CECR2: variants seen among roughly 807,000 people sequenced by gnomAD.
CECR2 encodes chromatin remodeling regulator CECR2.
CECR2 carries 30 observed loss-of-function variants against 154.5 expected under a neutral mutation model. The observed-to-expected ratio is 0.19, with a 90% CI of 0.15 to 0.26. The LOEUF (loss-of-function observed/expected upper bound fraction) is 0.26, where lower values mean the gene tolerates loss of function less well. CECR2 is among the 10% of genes least tolerant of loss of function. The probability of loss-of-function intolerance (pLI) is 1.00; values close to 1 mark genes in which losing one functional copy is unlikely to be tolerated. For missense variants in CECR2, 1,743 were observed against 1,829.3 expected (o/e 0.95, Z 0.86); for synonymous variants, 725 against 683.7 (o/e 1.06, Z -0.94).
intron 1 of CECR2, among the ~76,000 whole-genome samples, chr22:17,476,137 G>C (rs185495731): frequency 6.7e-6 from 1 of 150,098 alleles, no homozygotes; most frequent in Admixed American, 6.8e-5. Flanking sequence ...GTCATGCCCT[G>C]CCTCTCTCCA....
rs375164880 is a variant in CECR2 at position 17,532,781 on chromosome 22, G to A, written c.1109-4322G>A. Among the ~76,000 whole-genome samples the A allele has an allele frequency of 4.5e-4, 55 of 122,942 alleles. No individual in the cohort carries two copies. The South Asian group carries it at 8.0e-3, about 18-fold the overall frequency. 80.7% of individuals were successfully genotyped at this position (122,942 alleles called of 152,430 possible). On this transcript the variant is annotated intron_variant, in intron 9 of 18. Coordinates refer to ENST00000262608, the MANE Select transcript of CECR2 (RefSeq NM_001290047.2). ...TACTCAGGCTGGAGTGCAGTGGTGC[G>A]ATCTCGGCTCACTGCAACTTCCGCC...
chr22:17,362,901 CAAA>C (rs372498587), intron 1 of CECR2, among the ~76,000 whole-genome samples: 13 of 82,136 alleles, frequency 1.6e-4, no homozygotes, highest in East Asian at 4.0e-4. Flanking sequence ...AACTCCGTCT[CAAA>C]AAAAAAAAAA....
At chr22:17,452,818 G>C (rs2054792584) in intron 1 of CECR2, among the ~76,000 whole-genome samples, 1 of 152,170 alleles carries the variant, frequency 6.6e-6, no homozygotes, top group African/African-American at 2.4e-5. Flanking sequence ...AAGCGCTGAA[G>C]AAGGGTGAGA....
intron 1 of CECR2, among the ~76,000 whole-genome samples, chr22:17,382,106 G>A (rs545345773): frequency 1.3e-4 from 20 of 151,562 alleles, no homozygotes; most frequent in East Asian, 3.9e-4. Flanking sequence ...TAGCCAGGAT[G>A]GTCTTGATCT....
intron 1 of CECR2, among the ~76,000 whole-genome samples, chr22:17,384,118 T>C (rs1329437360): frequency 2.6e-5 from 4 of 152,228 alleles, no homozygotes; most frequent in African/African-American, 9.6e-5. Flanking sequence ...TATTTGGACC[T>C]CCTCCCATGA....
At position 17,364,159 on chromosome 22, in the gene CECR2, C is replaced by T. The variant is rs5749059; in HGVS notation, c.-364+4136C>T. 0.016 allele frequency among the ~76,000 whole-genome samples: 2,438 copies of T among 151,300 alleles called. 244 individuals carry two copies. In the East Asian group the frequency reaches 0.28, roughly 17 times the overall value. On this transcript the variant is annotated intron_variant, in intron 1 of 18. Transcript: ENST00000400585. ...AAGATCTAGACCATCCTGGCTAACA[C>T]GGTGAAACCCCGTCTCTACTAAAAA...
In CECR2 at chr22:17,375,768, A is replaced by G. The variant is rs112227203; in HGVS notation, c.126+5859A>G. On this transcript the variant is annotated intron_variant, in intron 1 of 18. Coordinates refer to ENST00000262608, the MANE Select transcript of CECR2 (RefSeq NM_001290047.2). The stretch of plus-strand genomic sequence containing the variant: ...TCAGGAGTTCAGGACCAGCCTGACC[A>G]ATATGATGAAACCCCGTCTCTACTA... Among the ~76,000 whole-genome samples, 149 of 152,130 alleles carry G rather than the reference A, an allele frequency of 9.8e-4. 1 individual carries two copies. Among genetic ancestry groups the G allele is most frequent in the African/African-American group, 3.3e-3 (139 of 41,524 alleles).
upstream of CECR2, among the ~76,000 whole-genome samples, chr22:17,368,829 C>T (rs1844029042): frequency 6.6e-6 from 1 of 152,102 alleles, no homozygotes; most frequent in South Asian, 2.1e-4. Flanking sequence ...GGTGCCTCCC[C>T]CTACCCCACC....
rs147269523 is a variant in CECR2 at position 17,394,178 on chromosome 22, C to T, written c.126+24269C>T. 7.1e-3 allele frequency among the ~76,000 whole-genome samples: 1,035 copies of T among 145,448 alleles called. 40 individuals are homozygous for T. The highest frequency in any genetic ancestry group is 0.052 in the South Asian group (227 of 4,406). ...CTGGGATTACAGGCGTGAGCCACCG[C>T]GCCCAGCTGCTGCCGCTGCTTTTTT... On this transcript the variant is annotated intron_variant, in intron 1 of 18. Transcript: ENST00000262608.
chr22:17,506,086 A>G (rs758586915), intron 7 of CECR2, among the ~76,000 whole-genome samples: 9 of 151,256 alleles, frequency 6.0e-5, no homozygotes, highest in South Asian at 2.1e-4. Context: ...GCCTCAATCT[A>G]TCCTTCTGTC....
At chr22:17,437,630 G>GT (rs1219423180) in intron 1 of CECR2, among the ~76,000 whole-genome samples, 1 of 152,104 alleles carries the variant, frequency 6.6e-6, no homozygotes, top group African/African-American at 2.4e-5. Context: ...TACTTTGTAA[G>GT]TAGGAGTTCC....
intron 1 of CECR2, among the ~76,000 whole-genome samples, chr22:17,362,651 C>T: frequency 6.6e-6 from 1 of 151,644 alleles, no homozygotes; most frequent in East Asian, 1.9e-4. Context: ...CGCCTGTAAT[C>T]CCAGTACTTT....
upstream of CECR2, among the ~76,000 whole-genome samples, chr22:17,365,697 AAAAC>A (rs149849638): frequency 2.8e-4 from 42 of 152,140 alleles, no homozygotes; most frequent in Middle Eastern, 3.4e-3. Flanking sequence ...CTGTCTCGGA[AAAAC>A]AAACAAACAA....
intron 5 of CECR2, among the ~76,000 whole-genome samples, chr22:17,502,695 C>T (rs1355508668): frequency 2.6e-5 from 4 of 152,062 alleles, no homozygotes; most frequent in African/African-American, 9.7e-5. Flanking sequence ...CCCAGCTACT[C>T]AGGAGGCTGA....
At chr22:17,506,771 A>C (rs1256720564) in intron 7 of CECR2, among the ~76,000 whole-genome samples, 1 of 152,102 alleles carries the variant, frequency 6.6e-6, no homozygotes, top group African/African-American at 2.4e-5. Flanking sequence ...CTCATGCCTC[A>C]GCCTCCCAAG....
intron 1 of CECR2, among the ~76,000 whole-genome samples, chr22:17,426,100 C>A (rs5746370): frequency 0.067 from 10,230 of 152,118 alleles, 937 homozygotes; most frequent in East Asian, 0.36. Flanking sequence ...TGTTTCCCCC[C>A]ACCCAGATTA....
At chr22:17,445,612 T>G (rs1215433733) in intron 1 of CECR2, among the ~76,000 whole-genome samples, 1 of 150,752 alleles carries the variant, frequency 6.6e-6, no homozygotes, top group Non-Finnish European at 1.5e-5. Context: ...AGGCTCACCC[T>G]GTCGCCCAGG....
Position 17,530,291 on chromosome 22 carries a change from C to T in CECR2, c.1108+6020C>T, listed in dbSNP as rs923644625. Among the ~76,000 whole-genome samples the T allele has an allele frequency of 7.9e-5, 12 of 151,486 alleles. No homozygotes were observed. The East Asian group carries it at 9.7e-4, about 12-fold the overall frequency. On this transcript the variant is annotated intron_variant, in intron 9 of 18. Coordinates refer to ENST00000262608, the MANE Select transcript of CECR2 (RefSeq NM_001290047.2). ...CCCAGGCTGGAGTGCAGTGGTGCCGCGCCCGGCACATGACTGCATACTTTC... is the reference window on the plus strand; with the variant it reads ...CCCAGGCTGGAGTGCAGTGGTGCCGTGCCCGGCACATGACTGCATACTTTC...
intron 2 of CECR2, among the ~76,000 whole-genome samples, chr22:17,493,201 T>C (rs2055561870): frequency 6.6e-6 from 1 of 152,066 alleles, no homozygotes; most frequent in Non-Finnish European, 1.5e-5. Context: ...CAAACTCCTG[T>C]CCTCAAGTGA....
Sources: gnomAD v4.1 joint callset for allele counts (sites outside exome capture counted in the v4.1 genomes callset) on GRCh38, gnomAD v4.1.1 for gene constraint, MANE v1.5 for transcripts, NCBI Gene and HGNC (gene_info 2026-07-23, HGNC 2026-07-21) for gene names.